FAM117A: variants seen among roughly 807,000 people sequenced by gnomAD.
FAM117A encodes the protein family with sequence similarity 117 member A, also known as protein FAM117A.
In FAM117A, 21 loss-of-function variants were observed where a neutral mutation model predicts 44.1. The ratio of observed to expected loss-of-function variants is 0.48; its 90% CI spans 0.34 to 0.69. The LOEUF is 0.69. FAM117A is among the 30% of genes least tolerant of loss of function. FAM117A has a pLI of 0.01. For synonymous variants in FAM117A, 220 were observed against 238.3 expected, an observed-to-expected ratio of 0.92 and a Z score of 0.71; for missense variants, 498 against 589.9, an observed-to-expected ratio of 0.84 and a Z score of 1.61.
chr17:49,730,252 G>A (rs1408544806), intron 2 of FAM117A, among the ~76,000 whole-genome samples: 1 of 152,244 alleles, frequency 6.6e-6, no homozygotes, highest in Admixed American at 6.5e-5. Flanking sequence ...CCATCCCAGG[G>A]AAAGAGGAAA....
chr17:49,728,852 C>CT (rs1428327488), intron 2 of FAM117A, among the ~76,000 whole-genome samples: 1 of 152,348 alleles, frequency 6.6e-6, no homozygotes, highest in Non-Finnish European at 1.5e-5. Flanking sequence ...CAAAGCACTT[C>CT]TTCCCCAATT....
intron 1 of FAM117A, among the ~76,000 whole-genome samples, chr17:49,780,780 CA>C (rs1475980614): frequency 3.3e-5 from 5 of 152,202 alleles, no homozygotes; most frequent in East Asian, 1.9e-4. Context: ...ATTGGGATGC[CA>C]GGGGGAAAGG....
At chr17:49,757,257 A>T (rs2073702801) in intron 1 of FAM117A, among the ~76,000 whole-genome samples, 1 of 152,152 alleles carries the variant, frequency 6.6e-6, no homozygotes, top group African/African-American at 2.4e-5. Flanking sequence ...TGAGCAGGGC[A>T]GGGTAAATGT....
At chr17:49,788,859 G>A, upstream of FAM117A, 1 of 1,584,394 alleles carries the variant, frequency 6.3e-7, no homozygotes. Context: ...GGTGAGAAAC[G>A]GGAGAGGAGG....
chr17:49,717,992 TC>T, intron 5 of FAM117A: 1 of 274,740 alleles, frequency 3.6e-6, no homozygotes, highest in Non-Finnish European at 6.9e-6. Context: ...CAATGTGTTG[TC>T]CCCATAAGAC....
intron 2 of FAM117A, among the ~76,000 whole-genome samples, chr17:49,727,482 G>C (rs2143722301): frequency 6.6e-6 from 1 of 152,332 alleles, no homozygotes; most frequent in African/African-American, 2.4e-5. Flanking sequence ...CCCTGGCCCA[G>C]GGTGAGCAGC....
chr17:49,741,870 T>C (rs2073635879), intron 1 of FAM117A, among the ~76,000 whole-genome samples: 1 of 151,964 alleles, frequency 6.6e-6, no homozygotes, highest in East Asian at 1.9e-4. Flanking sequence ...TAGGGATGGG[T>C]GGGTTTTGTG....
At chr17:49,725,788 G>A (rs780047395) in intron 2 of FAM117A, among the ~76,000 whole-genome samples, 1 of 152,196 alleles carries the variant, frequency 6.6e-6, no homozygotes, top group Non-Finnish European at 1.5e-5. Flanking sequence ...TTTTGCAGAT[G>A]TATTAAGGAT....
In FAM117A at chr17:49,716,317, T is replaced by C. The variant is rs568571185; in HGVS notation, c.911-2A>G. The C allele has an allele frequency of 6.3e-7, 1 of 1,580,786 alleles. No homozygotes were observed. The highest frequency in any genetic ancestry group is 1.3e-5 in the African/African-American group (1 of 74,412). ...AGGCTGGGTGTCCTGGAGAGGAGGC[T>C]GTGAACAGAGCAAGGCTAAGTCTAG... On this transcript the variant is annotated splice_acceptor_variant, in intron 6 of 7. Coordinates refer to ENST00000240364, the MANE Select transcript of FAM117A (RefSeq NM_030802.4). LOFTEE classifies it high-confidence loss of function.
chr17:49,763,404 G>A (rs1159867853), intron 1 of FAM117A, among the ~76,000 whole-genome samples: 1 of 151,954 alleles, frequency 6.6e-6, no homozygotes, highest in South Asian at 2.1e-4. Context: ...AGGGATGCTG[G>A]GGCCAAACTC....
Position 49,763,903 on chromosome 17 carries a change from C to A in FAM117A, c.185G>T (p.Gly62Val). 8.1e-7 allele frequency: 1 copy of A among 1,236,064 alleles called. No homozygotes were observed. 76.6% of individuals were successfully genotyped at this position (1,236,064 alleles called of 1,614,324 possible). Residue 62 changes from glycine to valine, a missense_variant, in exon 1 of 8, where the codon GGT (glycine) becomes GTT (valine). Physicochemically the swap from Gly to Val is moderately radical, Grantham distance 109. Transcript: ENST00000240364. Reference sequence around the variant, plus strand: ...CAGGCCCGGCTCACCTGCACGGCCACCCCCGTCCCGGCGCTGGTGCGGCTG... The same window carrying A: ...CAGGCCCGGCTCACCTGCACGGCCAACCCCGTCCCGGCGCTGGTGCGGCTG... ...LQQPHQRRDG[G>V]GRAASVPCSV...
At chr17:49,734,449 G>A (rs950064212) in intron 1 of FAM117A, among the ~76,000 whole-genome samples, 1 of 149,358 alleles carries the variant, frequency 6.7e-6, no homozygotes. Context: ...AAAATTACCC[G>A]GGCTTGGTGG....
Position 49,763,951 on chromosome 17 carries a change from G to C in FAM117A, c.137C>G (p.Ala46Gly). The change falls in exon 1 of 8, where the codon GCC (alanine) becomes GGC (glycine). Residue 46 changes from alanine (A) to glycine (G), a missense_variant. This residue lies in a region of FAM117A where 270 missense variants were observed against 277.4 expected (regional missense o/e 0.97). Transcript: ENST00000240364. Reference protein sequence around the residue: ...SPRAGLQPLRATIPFQLQQPH... With the variant: ...SPRAGLQPLRGTIPFQLQQPH... ...CTGCTGCAGCTGGAAGGGGATCGTGGCCCTGAGCGGCTGCAGCCCAGCCCG... is the reference window on the plus strand; with the variant it reads ...CTGCTGCAGCTGGAAGGGGATCGTGCCCCTGAGCGGCTGCAGCCCAGCCCG... The C allele has an allele frequency of 8.1e-7, 1 of 1,234,556 alleles. No individual in the cohort carries two copies. The highest frequency in any genetic ancestry group is 1.0e-6 in the Non-Finnish European group (1 of 989,976). The allele number at this position is 1,234,556 out of a possible 1,614,324, so 76.5% of individuals were successfully genotyped here. A position where few individuals can be genotyped will look rare whatever the true frequency, so the allele number is the denominator to read the frequency against.
intron 1 of FAM117A, among the ~76,000 whole-genome samples, chr17:49,782,358 CAGAG>C (rs945841706): frequency 8.9e-6 from 1 of 112,472 alleles, no homozygotes; most frequent in Non-Finnish European, 1.6e-5. Flanking sequence ...GCCTGGGTGA[CAGAG>C]AGAGACTCCG....
At chr17:49,716,701 T>G (rs2073505371) in intron 6 of FAM117A, among the ~76,000 whole-genome samples, 1 of 152,184 alleles carries the variant, frequency 6.6e-6, no homozygotes, top group Admixed American at 6.5e-5. Flanking sequence ...CTGTCCACAG[T>G]CTTGAAAATC....
chr17:49,767,527 C>A (rs2073748842), upstream of FAM117A, among the ~76,000 whole-genome samples: 1 of 152,210 alleles, frequency 6.6e-6, no homozygotes, highest in Non-Finnish European at 1.5e-5. Context: ...TGGCCCTGGG[C>A]TAGATGCTAT....
At chr17:49,757,409 C>T (rs1280936832) in intron 1 of FAM117A, among the ~76,000 whole-genome samples, 1 of 152,152 alleles carries the variant, frequency 6.6e-6, no homozygotes, top group Non-Finnish European at 1.5e-5. Context: ...CAGTAAGGGT[C>T]GATCAAGGCA....
intron 1 of FAM117A, among the ~76,000 whole-genome samples, chr17:49,783,349 G>A (rs185380605): frequency 3.3e-5 from 5 of 152,328 alleles, no homozygotes; most frequent in South Asian, 2.1e-4. Flanking sequence ...GTGGAGGAAG[G>A]GGGGGAGATG....
chr17:49,788,715 C>G (rs1490592503), upstream of FAM117A: 19 of 1,127,190 alleles, frequency 1.7e-5, no homozygotes, highest in African/African-American at 8.1e-5. Context: ...GCAGGAGGCA[C>G]TAGGGATCGT....
Sources: gnomAD v4.1 joint callset for allele counts (sites outside exome capture counted in the v4.1 genomes callset) on GRCh38, gnomAD v4.1.1 for gene constraint, gnomAD v4.1.1 regional missense constraint, MANE v1.5 for transcripts, NCBI Gene and HGNC (gene_info 2026-07-23, HGNC 2026-07-21) for gene names.